RAB3GAP1: variants seen among roughly 807,000 people sequenced by gnomAD.
RAB3GAP1 encodes rab3 GTPase-activating protein catalytic subunit.
A neutral mutation model predicts 130.7 loss-of-function variants in RAB3GAP1; 86 were observed. The observed-to-expected ratio is 0.66, with a 90% CI of 0.55 to 0.79. The LOEUF (loss-of-function observed/expected upper bound fraction) is 0.79, where lower values mean the gene tolerates loss of function less well. Ranked by LOEUF, RAB3GAP1 falls within the 30% of genes least tolerant of loss-of-function variation. The probability of loss-of-function intolerance (pLI) is 0.00; values close to 1 mark genes in which losing one functional copy is unlikely to be tolerated. For synonymous variants in RAB3GAP1, 367 were observed against 401.7 expected (o/e 0.91, Z 1.03); for missense variants, 1,029 against 1,169.4 (o/e 0.88, Z 1.75).
rs1225278796 is a variant in RAB3GAP1 at position 135,161,748 on chromosome 2, T to C, written c.2290-807T>C. Among the ~76,000 whole-genome samples the C allele has an allele frequency of 1.1e-4, 16 of 152,356 alleles. No individual in the cohort carries two copies. In the South Asian group the frequency reaches 3.1e-3, roughly 30 times the overall value. On this transcript the variant is annotated intron_variant, in intron 19 of 23. Coordinates refer to ENST00000264158, the MANE Select transcript of RAB3GAP1 (RefSeq NM_012233.3). ...AAATAATAAAACAGTATGTAAGTTA[T>C]TAATTTTTGTTAAGAAATTACATAT...
intron 1 of RAB3GAP1, 43 bp from the exon 2 acceptor site, chr2:135,052,387 C>T: frequency 1.2e-6 from 2 of 1,614,146 alleles, no homozygotes; most frequent in Non-Finnish European, 1.7e-6. Flanking sequence ...CATGTCTTCG[C>T]CTTGGGGCTT....
intron 7 of RAB3GAP1, among the ~76,000 whole-genome samples, chr2:135,116,806 C>T (rs1025221717): frequency 3.3e-5 from 5 of 151,896 alleles, no homozygotes; most frequent in Non-Finnish European, 4.4e-5. Context: ...TTATGAACTC[C>T]GTGAAAGTCA....
intron 4 of RAB3GAP1, among the ~76,000 whole-genome samples, chr2:135,092,898 A>G (rs1414938719): frequency 1.3e-5 from 2 of 152,214 alleles, no homozygotes; most frequent in Admixed American, 6.5e-5. Context: ...AAACTATATT[A>G]TCAGAGGTCA....
chr2:135,072,282 A>G (rs1210281241), intron 3 of RAB3GAP1, among the ~76,000 whole-genome samples: 2 of 152,206 alleles, frequency 1.3e-5, no homozygotes, highest in Non-Finnish European at 2.9e-5. Context: ...CTAGCATTCA[A>G]CTGAATCCAG....
chr2:135,117,641 T>TGC (rs1199095923), intron 7 of RAB3GAP1, among the ~76,000 whole-genome samples: 9 of 151,718 alleles, frequency 5.9e-5, no homozygotes, highest in African/African-American at 2.2e-4. Context: ...CTTCTGCTTC[T>TGC]TCTTCTGCTT....
rs759078513 is a variant in RAB3GAP1 at position 135,130,701 on chromosome 2, G to A, written c.1216G>A (p.Val406Ile). 6.2e-7 allele frequency: 1 copy of A among 1,613,300 alleles called. No homozygotes were observed. Among genetic ancestry groups the A allele is most frequent in the Non-Finnish European group, 8.5e-7 (1 of 1,179,372 alleles). ...AGAGGAGTCACCGCTAAATAATGAT[G>A]TTCTTAATACTATTCTCCTGGTAAC... is the stretch of plus-strand genomic sequence containing the variant. Reference protein sequence around the residue: ...GVEESPLNNDVLNTILLFLFP... With the variant: ...GVEESPLNNDILNTILLFLFP... Residue 406 changes from valine (V) to isoleucine (I), a missense_variant, in exon 13 of 24, where the codon GTT becomes ATT. Around this residue, in one of 3 missense-constraint regions of RAB3GAP1, gnomAD observed 510 missense variants for 532.1 expected, o/e 0.96. Transcript: ENST00000264158.
At position 135,132,766 on chromosome 2, in the gene RAB3GAP1, A is replaced by G. The variant is rs966041550; in HGVS notation, c.1237-129A>G. On this transcript the variant is annotated intron_variant, in intron 13 of 23. Coordinates refer to ENST00000264158, the MANE Select transcript of RAB3GAP1 (RefSeq NM_012233.3). ...GAGTGTAGAACAAACTGGCCAATAC[A>G]ACTGGAACATTTCTATTGTTAGAGC... 76 of 669,144 alleles carry G rather than the reference A, an allele frequency of 1.1e-4. No individual in the cohort carries two copies. In the Middle Eastern group the frequency reaches 1.6e-3, roughly 14 times the overall value. The allele number at this position is 669,144 out of a possible 1,614,324, so 41.5% of individuals were successfully genotyped here. A position where few individuals can be genotyped will look rare whatever the true frequency, so the allele number is the denominator to read the frequency against.
Position 135,142,099 on chromosome 2 carries a change from G to A in RAB3GAP1, c.1923+6167G>A, listed in dbSNP as rs138013983. ...CAAACACATATTCAAAATCTTGCTG[G>A]GATTTTAATTCAGATTGCATTGAAT... On this transcript the variant is annotated intron_variant, in intron 17 of 23. Transcript: ENST00000264158. Among the ~76,000 whole-genome samples the A allele has an allele frequency of 4.9e-4, 74 of 152,084 alleles. 2 individuals are homozygous for A. In the East Asian group the frequency reaches 0.014, roughly 28 times the overall value.
rs551729620 is a variant in RAB3GAP1 at position 135,139,555 on chromosome 2, A to T, written c.1923+3623A>T. ...GACCCTGTCTCAAAAATTAAAAAAA[A>T]AAAAAATAAAAAGTGCACAAATCTT... On this transcript the variant is annotated intron_variant, in intron 17 of 23. Transcript: ENST00000264158. 3.2e-4 allele frequency among the ~76,000 whole-genome samples: 48 copies of T among 152,212 alleles called. No homozygotes were observed. In the South Asian group the frequency reaches 5.2e-3, roughly 16 times the overall value.
At chr2:135,143,888 C>T (rs1241181673) in intron 17 of RAB3GAP1, among the ~76,000 whole-genome samples, 1 of 152,222 alleles carries the variant, frequency 6.6e-6, no homozygotes, top group East Asian at 1.9e-4. Flanking sequence ...TAATTTGGGA[C>T]TCAGATGTCA....
At chr2:135,153,588 A>G (rs570478109) in intron 18 of RAB3GAP1, 61 bp from the exon 19 acceptor site, 7 of 1,494,194 alleles carry the variant, frequency 4.7e-6, no homozygotes, top group Admixed American at 3.3e-5. Flanking sequence ...TTTTGCAAAC[A>G]GGCTTATCAG....
At chr2:135,143,128 TA>T (rs1691892866) in intron 17 of RAB3GAP1, among the ~76,000 whole-genome samples, 2 of 152,042 alleles carry the variant, frequency 1.3e-5, no homozygotes, top group African/African-American at 4.8e-5. Flanking sequence ...CTTTAATAGA[TA>T]AAAAACTATT....
intron 7 of RAB3GAP1, 140 bp from the exon 8 acceptor site, chr2:135,120,679 T>C (rs776272520): frequency 1.3e-6 from 1 of 742,444 alleles, no homozygotes; most frequent in Non-Finnish European, 2.5e-6. Flanking sequence ...ATGCACACTA[T>C]TGTTTAACAC....
chr2:135,134,110 C>T, intron 15 of RAB3GAP1, 77 bp downstream of exon 15: 1 of 1,549,824 alleles, frequency 6.5e-7, no homozygotes, highest in East Asian at 2.3e-5. Context: ...CTATTTTTTC[C>T]CCCTTCTAGG....
chr2:135,117,783 TCTG>T (rs1295513730), intron 7 of RAB3GAP1, among the ~76,000 whole-genome samples: 248 of 151,544 alleles, frequency 1.6e-3, no homozygotes, highest in African/African-American at 5.7e-3. Flanking sequence ...TTCTGCTTCT[TCTG>T]CTTCTTCTTC....
At chr2:135,065,069 A>G (rs1689280302) in intron 3 of RAB3GAP1, among the ~76,000 whole-genome samples, 1 of 152,122 alleles carries the variant, frequency 6.6e-6, no homozygotes, top group Non-Finnish European at 1.5e-5. Context: ...GGTTTAGCAG[A>G]TAGCCAAGGT....
Position 135,124,176 on chromosome 2 carries a change from C to T in RAB3GAP1, c.760C>T (p.Leu254Phe). Residue 254 changes from leucine to phenylalanine, a missense_variant, in exon 9 of 24, where the codon CTT becomes TTT. Coordinates refer to ENST00000264158, the MANE Select transcript of RAB3GAP1 (RefSeq NM_012233.3). ...WPQQPPDIDA[L>F]VGGEVGGLEF... ...TTTCTTTTGTTTAGACATAGATGCC[C>T]TTGTAGGAGGAGAAGTTGGAGGCTT... The T allele has an allele frequency of 6.2e-7, 1 of 1,613,940 alleles. No individual in the cohort carries two copies. The highest frequency in any genetic ancestry group is 8.5e-7 in the Non-Finnish European group (1 of 1,179,916).
At chr2:135,054,266 A>G (rs1046036297) in intron 2 of RAB3GAP1, among the ~76,000 whole-genome samples, 10 of 152,218 alleles carry the variant, frequency 6.6e-5, no homozygotes, top group African/African-American at 2.4e-4. Context: ...GGTAATTCAG[A>G]TGCTGCTGGT....
intron 5 of RAB3GAP1, among the ~76,000 whole-genome samples, chr2:135,105,204 C>T (rs1252165020): frequency 8.7e-6 from 1 of 114,940 alleles, no homozygotes; most frequent in African/African-American, 3.3e-5. Context: ...TCTCCCCCTT[C>T]CCTCTCCCCC....
Sources: gnomAD v4.1 joint callset for allele counts (sites outside exome capture counted in the v4.1 genomes callset) on GRCh38, gnomAD v4.1.1 for gene constraint, gnomAD v4.1.1 regional missense constraint, MANE v1.5 for transcripts, NCBI Gene and HGNC (gene_info 2026-07-23, HGNC 2026-07-21) for gene names.